The following ZDHHC9 variants were observed in gnomAD, a reference collection of about 807,000 sequenced individuals.
ZDHHC9 encodes the protein palmitoyltransferase ZDHHC9.
A neutral mutation model predicts 26.6 loss-of-function variants in ZDHHC9; 3 were observed. That is an observed-to-expected ratio of 0.11 (90% confidence interval 0.05 to 0.29). The LOEUF is 0.29. Among genes scored for constraint, ZDHHC9 ranks in the 10% least tolerant of loss-of-function variants. The pLI is 1.00. For missense variants in ZDHHC9, 146 were observed against 296.4 expected, an observed-to-expected ratio of 0.49 and a Z score of 3.73; for synonymous variants, 111 against 109.4, an observed-to-expected ratio of 1.01 and a Z score of -0.09.
At chrX:129,831,998 T>C (rs1928149424) in intron 3 of ZDHHC9, among the ~76,000 whole-genome samples, 1 of 110,433 alleles carries the variant, frequency 9.1e-6, no homozygotes, top group African/African-American at 3.3e-5. Flanking sequence ...CACTATATTG[T>C]ATACCAGAAA....
chrX:129,833,249 G>C (rs1209935660), intron 3 of ZDHHC9, among the ~76,000 whole-genome samples: 2 of 111,408 alleles, frequency 1.8e-5, no homozygotes, highest in African/African-American at 6.5e-5. Context: ...CTGACTTCTT[G>C]ACTGTCCTCA....
intron 4 of ZDHHC9, among the ~76,000 whole-genome samples, chrX:129,824,069 A>G (rs1429889323): frequency 8.9e-6 from 1 of 112,318 alleles, no homozygotes; most frequent in Non-Finnish European, 1.9e-5. Context: ...TCTGATTACA[A>G]AGAAAAACAT....
intron 7 of ZDHHC9, among the ~76,000 whole-genome samples, chrX:129,813,473 G>C (rs1300051730): frequency 1.8e-5 from 2 of 112,552 alleles, no homozygotes; most frequent in Admixed American, 1.9e-4. Flanking sequence ...GTCCTGAGCA[G>C]GGGGTGAAGG....
chrX:129,840,840 T>C (rs1928363809), intron 3 of ZDHHC9, among the ~76,000 whole-genome samples: 1 of 110,430 alleles, frequency 9.1e-6, no homozygotes, highest in South Asian at 3.9e-4. Context: ...CCCACTAGGC[T>C]GGCCAAGGTG....
At chrX:129,832,959 C>A (rs1928179536) in intron 3 of ZDHHC9, among the ~76,000 whole-genome samples, 1 of 84,157 alleles carries the variant, frequency 1.2e-5, no homozygotes, top group African/African-American at 5.2e-5. Context: ...AGCAAGACTC[C>A]ACCTCAAAAA....
chrX:129,829,222 C>T, intron 3 of ZDHHC9, 81 bp from the exon 4 acceptor site: 2 of 1,069,793 alleles, frequency 1.9e-6, no homozygotes, highest in Admixed American at 4.6e-5. Context: ...TCAATCTGGC[C>T]CCCACAACAG....
At chrX:129,832,255 T>C (rs965552091) in intron 3 of ZDHHC9, among the ~76,000 whole-genome samples, 4 of 110,859 alleles carry the variant, frequency 3.6e-5, no homozygotes, top group African/African-American at 1.3e-4. Flanking sequence ...TGGAAGTCTG[T>C]CTCTGACAAG....
At chrX:129,842,156 C>T (rs1319706570) in intron 2 of ZDHHC9, 76 bp from the exon 3 acceptor site, 2 of 453,819 alleles carry the variant, frequency 4.4e-6, no homozygotes, top group Non-Finnish European at 7.5e-6. Flanking sequence ...TTCCCAGAGA[C>T]AGAAAGTTGA....
In ZDHHC9 at chrX:129,804,155, G is replaced by C. The variant is rs1332597439; in HGVS notation, c.*2215C>G. The C allele has an allele frequency of 9.0e-6, 1 of 111,613 alleles. No individual in the cohort carries two copies. Among genetic ancestry groups the C allele is most frequent in the African/African-American group, 3.3e-5 (1 of 30,664 alleles). The allele number at this position is 111,613 out of a possible 1,213,427, so 9.2% of individuals were successfully genotyped here. A position where few individuals can be genotyped will look rare whatever the true frequency, so the allele number is the denominator to read the frequency against. On this transcript the variant is annotated 3_prime_UTR_variant, in exon 11 of 11. Coordinates refer to ENST00000357166, the MANE Select transcript of ZDHHC9 (RefSeq NM_016032.4). ...TTGAGGTAAGGTGAGGGAGGAGAGA[G>C]AGCCATCTGAGCCCAGGAGAGGAGA...
chrX:129,837,726 A>C (rs1928292195), intron 3 of ZDHHC9, among the ~76,000 whole-genome samples: 1 of 112,286 alleles, frequency 8.9e-6, no homozygotes, highest in African/African-American at 3.2e-5. Flanking sequence ...CTTCTGCTTC[A>C]GGGGTCAAGA....
At chrX:129,819,680 T>C (rs948232522) in intron 5 of ZDHHC9, among the ~76,000 whole-genome samples, 8 of 110,088 alleles carry the variant, frequency 7.3e-5, no homozygotes, top group African/African-American at 2.7e-4. Context: ...CAGTCTAATG[T>C]ACGAATGTCC....
chrX:129,837,516 T>C (rs1048175430), intron 3 of ZDHHC9, among the ~76,000 whole-genome samples: 10 of 112,396 alleles, frequency 8.9e-5, no homozygotes, highest in Admixed American at 6.6e-4. Context: ...ATTGTTTGTA[T>C]TGATTACTAT....
In ZDHHC9 at chrX:129,841,849, G is replaced by C; in HGVS notation, c.97C>G (p.Arg33Gly). The change falls in exon 3 of 11, where the codon CGG becomes GGG. Residue 33 changes from arginine to glycine, a missense_variant. Coordinates refer to ENST00000357166, the MANE Select transcript of ZDHHC9 (RefSeq NM_016032.4). ...FCCDGRVMMARQKGIFYLTLF... is the reference protein window; with the variant it reads ...FCCDGRVMMAGQKGIFYLTLF... Reference sequence around the variant, plus strand: ...GTCAGGTAGAAAATGCCCTTTTGCCGGGCCATCATGACGCGGCCATCACAG... The same window carrying C: ...GTCAGGTAGAAAATGCCCTTTTGCCCGGCCATCATGACGCGGCCATCACAG... The C allele has an allele frequency of 8.3e-7, 1 of 1,211,751 alleles. No homozygotes were observed. Among genetic ancestry groups the C allele is most frequent in the Non-Finnish European group, 1.1e-6 (1 of 895,508 alleles).
At chrX:129,813,841 G>C in intron 6 of ZDHHC9, 116 bp from the exon 7 acceptor site, 1 of 680,724 alleles carries the variant, frequency 1.5e-6, no homozygotes, top group South Asian at 2.3e-5. Context: ...ACACTGGCAA[G>C]AGCTAAGCTC....
chrX:129,814,638 A>G lies in ZDHHC9; in HGVS notation c.625+20T>C, dbSNP rs373699283. Reference sequence around the variant, plus strand: ...CCACCCAGCCCCACTCCAACAACGGACACTGCCCTGTATACTCACTGAGGG... The same window carrying G: ...CCACCCAGCCCCACTCCAACAACGGGCACTGCCCTGTATACTCACTGAGGG... On this transcript the variant is annotated intron_variant, in intron 6 of 10. Coordinates refer to ENST00000357166, the MANE Select transcript of ZDHHC9 (RefSeq NM_016032.4). 8.3e-7 allele frequency: 1 copy of G among 1,208,867 alleles called. No homozygotes were observed. Among genetic ancestry groups the G allele is most frequent in the African/African-American group, 1.8e-5 (1 of 57,102 alleles).
chrX:129,818,036 A>G (rs1288145231), intron 5 of ZDHHC9, among the ~76,000 whole-genome samples: 1 of 111,622 alleles, frequency 9.0e-6, no homozygotes, highest in African/African-American at 3.3e-5. Flanking sequence ...CTAACCCCCA[A>G]TGTAGCTGCA....
intron 3 of ZDHHC9, among the ~76,000 whole-genome samples, chrX:129,836,244 C>T (rs183689825): frequency 1.7e-4 from 19 of 111,396 alleles, no homozygotes; most frequent in Admixed American, 3.8e-4. Context: ...CACCTGTCTG[C>T]CAGACACACC....
At chrX:129,826,167 T>A (rs890233526) in intron 4 of ZDHHC9, among the ~76,000 whole-genome samples, 1 of 112,009 alleles carries the variant, frequency 8.9e-6, no homozygotes, top group African/African-American at 3.2e-5. Context: ...TAACAATGTG[T>A]CACAAGTCTT....
intron 7 of ZDHHC9, 33 bp from the exon 8 acceptor site, chrX:129,812,853 A>C: frequency 2.4e-5 from 25 of 1,048,306 alleles, no homozygotes; most frequent in Non-Finnish European, 3.1e-5. Context: ...TGAAGAACTC[A>C]ACATCAGGAG....
Sources: allele counts gnomAD v4.1 joint callset (sites outside exome capture counted in the v4.1 genomes callset), GRCh38; gene constraint gnomAD v4.1.1; transcripts MANE v1.5; gene names NCBI Gene and HGNC (gene_info 2026-07-23, HGNC 2026-07-21).